The following WDPCP variants were observed in gnomAD, a reference collection of about 807,000 sequenced individuals.
WDPCP encodes WD repeat-containing and planar cell polarity effector protein fritz homolog.
WDPCP carries 71 observed loss-of-function variants against 93.1 expected under a neutral mutation model. The observed-to-expected ratio is 0.76, with a 90% CI of 0.63 to 0.93. The LOEUF is 0.93. Among genes scored for constraint, WDPCP ranks in the 40% least tolerant of loss-of-function variants. The pLI is 0.00. For synonymous variants in WDPCP, 315 were observed against 315.0 expected, an observed-to-expected ratio of 1.00 and a Z score of 0.00; for missense variants, 844 against 887.4, an observed-to-expected ratio of 0.95 and a Z score of 0.62.
At chr2:63,124,381 A>G (rs901043932) in intron 17 of WDPCP, among the ~76,000 whole-genome samples, 3 of 152,074 alleles carry the variant, frequency 2.0e-5, no homozygotes, top group African/African-American at 7.2e-5. Flanking sequence ...TTTTACAGCA[A>G]CGAAAGGGTT....
At chr2:63,806,158 G>C (rs781254901) in intron 2 of WDPCP, among the ~76,000 whole-genome samples, 16 of 152,256 alleles carry the variant, frequency 1.1e-4, no homozygotes, top group Non-Finnish European at 1.5e-4. Context: ...ATCTATCAGG[G>C]AACCTGCCCT....
chr2:63,723,125 G>A (rs1669450382), intron 2 of WDPCP, among the ~76,000 whole-genome samples: 2 of 151,802 alleles, frequency 1.3e-5, no homozygotes, highest in Non-Finnish European at 2.9e-5. Flanking sequence ...CTAATCTCAA[G>A]TACCCAGGGA....
rs1005768259 is a variant in WDPCP at position 63,357,816 on chromosome 2, T to C, written c.1748+20570A>G. ...AAAGACACATGCATGCAAATGTTCA[T>C]TGCAGCACTATTCATAGCAGCAAAG... On this transcript the variant is annotated intron_variant, in intron 12 of 17. Transcript: ENST00000272321. 5.3e-5 allele frequency among the ~76,000 whole-genome samples: 8 copies of C among 152,166 alleles called. No individual in the cohort carries two copies. The East Asian group carries it at 7.7e-4, about 15-fold the overall frequency.
At chr2:63,276,068 T>A (rs1025158257) in intron 13 of WDPCP, among the ~76,000 whole-genome samples, 2 of 152,132 alleles carry the variant, frequency 1.3e-5, no homozygotes, top group African/African-American at 4.8e-5. Context: ...TTTGCAGACA[T>A]TCCCCACTAC....
intron 2 of WDPCP, among the ~76,000 whole-genome samples, chr2:63,702,631 G>A (rs1282768797): frequency 2.7e-5 from 4 of 150,592 alleles, no homozygotes; most frequent in African/African-American, 4.9e-5. Context: ...CTACGCCTCC[G>A]GGGTTCACAC....
the WDPCP span, among the ~76,000 whole-genome samples, chr2:63,839,285 C>T: frequency 7.2e-5 from 11 of 152,172 alleles, no homozygotes; most frequent in Admixed American, 5.9e-4. Flanking sequence ...ACTCGCCAGG[C>T]GCGGTGGCTC....
intron 13 of WDPCP, among the ~76,000 whole-genome samples, chr2:63,310,902 A>G (rs1479637735): frequency 6.6e-6 from 1 of 152,204 alleles, no homozygotes; most frequent in African/African-American, 2.4e-5. Flanking sequence ...AGCAAGCCTA[A>G]ACTATTTGCT....
intron 2 of WDPCP, among the ~76,000 whole-genome samples, chr2:63,654,969 C>T (rs966392487): frequency 1.3e-5 from 2 of 152,148 alleles, no homozygotes. Flanking sequence ...CCTGAGCCCA[C>T]TCATCTCCCA....
intron 1 of WDPCP, among the ~76,000 whole-genome samples, chr2:63,576,181 A>G (rs1014744956): frequency 2.0e-5 from 3 of 152,128 alleles, no homozygotes; most frequent in African/African-American, 7.2e-5. Flanking sequence ...GACATTATCT[A>G]CCTAGAGATA....
intron 6 of WDPCP, among the ~76,000 whole-genome samples, chr2:63,463,214 AGAT>A (rs1190125646): frequency 2.6e-5 from 4 of 152,132 alleles, no homozygotes; most frequent in Non-Finnish European, 5.9e-5. Context: ...TGTGTATTTA[AGAT>A]GATAAGATTT....
At chr2:63,605,263 A>G (rs773992452) in intron 3 of WDPCP, 1 of 1,555,306 alleles carries the variant, frequency 6.4e-7, no homozygotes, top group East Asian at 2.2e-5. Flanking sequence ...TGCTGCCTTC[A>G]CCTGCCCCCT....
intron 15 of WDPCP, among the ~76,000 whole-genome samples, chr2:63,160,269 A>G (rs1228929168): frequency 6.6e-6 from 1 of 152,134 alleles, no homozygotes; most frequent in African/African-American, 2.4e-5. Flanking sequence ...TGTTATTTAG[A>G]TATACTGTAA....
upstream of WDPCP, chr2:63,589,360 T>G: frequency 2.6e-6 from 4 of 1,550,626 alleles, no homozygotes; most frequent in South Asian, 4.8e-5. Context: ...CAAAGGACGT[T>G]ACGGTGTTTG....
intron 1 of WDPCP, among the ~76,000 whole-genome samples, chr2:63,495,359 G>A (rs1346150507): frequency 6.6e-6 from 1 of 152,178 alleles, no homozygotes; most frequent in Non-Finnish European, 1.5e-5. Flanking sequence ...TTCCAATGCA[G>A]TGTTCTTTGG....
At chr2:63,126,873 A>C (rs1233161436) in intron 17 of WDPCP, among the ~76,000 whole-genome samples, 1 of 151,588 alleles carries the variant, frequency 6.6e-6, no homozygotes, top group African/African-American at 2.4e-5. Flanking sequence ...TGTAGAGACA[A>C]GGTCTTGCTA....
At chr2:63,433,499 G>A (rs1478892272) in intron 9 of WDPCP, among the ~76,000 whole-genome samples, 1 of 152,084 alleles carries the variant, frequency 6.6e-6, no homozygotes, top group Non-Finnish European at 1.5e-5. Flanking sequence ...TAGTAACTTG[G>A]TCAAGGACAG....
intron 2 of WDPCP, among the ~76,000 whole-genome samples, chr2:63,752,783 C>CCCAG (rs1669904005): frequency 6.6e-6 from 1 of 152,148 alleles, no homozygotes; most frequent in African/African-American, 2.4e-5. Context: ...ACCTCCGCTT[C>CCCAG]CCAGGTTCAA....
rs749677469 is a variant in WDPCP at position 63,404,380 on chromosome 2, C to T, written c.1103G>A (p.Arg368His). The change falls in exon 10 of 18, where the codon CGT becomes CAT. Residue 368 changes from arginine (R) to histidine (H), a missense_variant. Coordinates refer to ENST00000272321, the MANE Select transcript of WDPCP (RefSeq NM_015910.7). ...AGTCTGTGCTAAGAGAGTCACTCTACGGTGAGTTTCATAAAGAATTAGCGA... is the reference window on the plus strand; with the variant it reads ...AGTCTGTGCTAAGAGAGTCACTCTATGGTGAGTTTCATAAAGAATTAGCGA... ...DSSLILYETH[R>H]RVTLLAQTEL... 52 of 1,614,020 alleles carry T rather than the reference C, an allele frequency of 3.2e-5. No individual in the cohort carries two copies. The Middle Eastern group carries it at 6.6e-4, about 20-fold the overall frequency.
At chr2:63,605,000 TAGTA>T in intron 3 of WDPCP, 1 of 891,104 alleles carries the variant, frequency 1.1e-6, no homozygotes, top group Non-Finnish European at 1.7e-6. Flanking sequence ...TTCGGGATCA[TAGTA>T]AGCCAGTCAT....
Sources: allele counts gnomAD v4.1 joint callset (sites outside exome capture counted in the v4.1 genomes callset), GRCh38; gene constraint gnomAD v4.1.1; transcripts MANE v1.5; gene names NCBI Gene and HGNC (gene_info 2026-07-23, HGNC 2026-07-21).